ADAMTS3: variants seen among roughly 807,000 people sequenced by gnomAD.
ADAMTS3 encodes the protein A disintegrin and metalloproteinase with thrombospondin motifs 3.
ADAMTS3 carries 73 observed loss-of-function variants against 129.0 expected under a neutral mutation model. The ratio of observed to expected loss-of-function variants is 0.57; its 90% CI spans 0.47 to 0.69. The LOEUF is 0.69. Ranked by LOEUF, ADAMTS3 falls within the 30% of genes least tolerant of loss-of-function variation. The pLI is 0.00. For synonymous variants in ADAMTS3, 477 were observed against 510.8 expected (o/e 0.93, Z 0.89); for missense variants, 1,457 against 1,514.5 (o/e 0.96, Z 0.63).
rs780258250 is a variant in ADAMTS3 at position 72,303,871 on chromosome 4, A to G, written c.2424+46T>C. 4.4e-6 allele frequency: 7 copies of G among 1,583,622 alleles called. No individual in the cohort carries two copies. In the East Asian group the frequency reaches 1.1e-4, roughly 25 times the overall value. On this transcript the variant is annotated intron_variant, in intron 17 of 21. Coordinates refer to ENST00000286657, the MANE Select transcript of ADAMTS3 (RefSeq NM_014243.3). Reference sequence around the variant, plus strand: ...AAGTGTTTTCAGATAAATTAATTATAAAGTAAGCTGAGCTAACTATACCAT... The same window carrying G: ...AAGTGTTTTCAGATAAATTAATTATGAAGTAAGCTGAGCTAACTATACCAT...
In ADAMTS3 at chr4:72,346,097, A is replaced by T. The variant is rs553918458; in HGVS notation, c.662-6404T>A. 8.9e-4 allele frequency among the ~76,000 whole-genome samples: 136 copies of T among 152,276 alleles called. 1 individual carries two copies. The highest frequency in any genetic ancestry group is 1.4e-3 in the Non-Finnish European group (94 of 68,012). Reference sequence around the variant, plus strand: ...GGTGTACAAACTTTGCCTTCAAATTAGCTCCTTTGATTATTTCAAAATGGT... The same window carrying T: ...GGTGTACAAACTTTGCCTTCAAATTTGCTCCTTTGATTATTTCAAAATGGT... On this transcript the variant is annotated intron_variant, in intron 4 of 21. Coordinates refer to ENST00000286657, the MANE Select transcript of ADAMTS3 (RefSeq NM_014243.3).
At chr4:72,506,808 T>C (rs755461052) in intron 3 of ADAMTS3, among the ~76,000 whole-genome samples, 3 of 152,332 alleles carry the variant, frequency 2.0e-5, no homozygotes, top group Non-Finnish European at 2.9e-5. Flanking sequence ...GTCTCTGTCA[T>C]GTGGCTGTTT....
rs1317281181 is a variant in ADAMTS3, at chr4:72,327,050, C to A, written c.862-3953G>T. Among the ~76,000 whole-genome samples the A allele has an allele frequency of 5.9e-5, 9 of 151,972 alleles. No homozygotes were observed. In the South Asian group the frequency reaches 1.9e-3, roughly 32 times the overall value. ...AAATAAGAATTGTAAAATATTATAACCTGAGAAAAATGCTACGTTTTAAAT... is the reference window on the plus strand; with the variant it reads ...AAATAAGAATTGTAAAATATTATAAACTGAGAAAAATGCTACGTTTTAAAT... On this transcript the variant is annotated intron_variant, in intron 5 of 21. Coordinates refer to ENST00000286657, the MANE Select transcript of ADAMTS3 (RefSeq NM_014243.3).
At chr4:72,393,303 G>A (rs1721646994) in intron 4 of ADAMTS3, among the ~76,000 whole-genome samples, 1 of 152,124 alleles carries the variant, frequency 6.6e-6, no homozygotes, top group African/African-American at 2.4e-5. Flanking sequence ...ATTAGGATTG[G>A]AGTCTGCTGT....
intron 3 of ADAMTS3, among the ~76,000 whole-genome samples, chr4:72,473,444 A>G (rs1719135503): frequency 6.6e-6 from 1 of 152,114 alleles, no homozygotes; most frequent in South Asian, 2.1e-4. Context: ...AACAATAACA[A>G]AGCCCTAAAA....
In ADAMTS3 at chr4:72,368,672, C is replaced by T. The variant is rs542118020; in HGVS notation, c.662-28979G>A. ...CTGACAAATGAAAGCAACCACAATT[C>T]TTAAAGGACCAGTGATTGATGCCAA... On this transcript the variant is annotated intron_variant, in intron 4 of 21. Coordinates refer to ENST00000286657, the MANE Select transcript of ADAMTS3 (RefSeq NM_014243.3). Among the ~76,000 whole-genome samples the T allele has an allele frequency of 3.3e-5, 5 of 152,304 alleles. No homozygotes were observed. The South Asian group carries it at 1.0e-3, about 32-fold the overall frequency.
At chr4:72,311,361 T>A (rs78225451) in intron 13 of ADAMTS3, among the ~76,000 whole-genome samples, 180 bp from the exon 14 acceptor site, 1 of 152,018 alleles carries the variant, frequency 6.6e-6, no homozygotes, top group African/African-American at 2.4e-5. Context: ...ATTTTTTTTT[T>A]AGCTAAGGTG....
chr4:72,486,001 T>A (rs1405743448), intron 3 of ADAMTS3, among the ~76,000 whole-genome samples: 1 of 152,172 alleles, frequency 6.6e-6, no homozygotes, highest in Non-Finnish European at 1.5e-5. Context: ...CATCCAGAAT[T>A]GTGAGCAATA....
intron 11 of ADAMTS3, among the ~76,000 whole-genome samples, chr4:72,314,968 T>C (rs1719353253): frequency 6.6e-6 from 1 of 152,212 alleles, no homozygotes; most frequent in Admixed American, 6.5e-5. Context: ...TAACATGCCT[T>C]TGTTTTGGGA....
In ADAMTS3 at chr4:72,320,854, T is replaced by C; in HGVS notation, c.962A>G (p.Glu321Gly). The C allele has an allele frequency of 6.2e-7, 1 of 1,613,874 alleles. No homozygotes were observed. The highest frequency in any genetic ancestry group is 8.5e-7 in the Non-Finnish European group (1 of 1,179,844). Residue 321 changes from glutamate (E) to glycine (G), a missense_variant, in exon 7 of 22, where the codon GAA (glutamate) becomes GGA (glycine). Transcript: ENST00000286657. The stretch of plus-strand genomic sequence containing the variant: ...CAAGCTTCTGGATGGGTTTCCCCTT[T>C]CTATGAGGCTGATGGACTAAGTGAA... The part of the protein sequence containing the change: ...LGYAKSISLI[E>G]RGNPSRSLEN...
At chr4:72,409,958 A>C (rs187749641) in intron 4 of ADAMTS3, among the ~76,000 whole-genome samples, 23 of 142,202 alleles carry the variant, frequency 1.6e-4, no homozygotes, top group Non-Finnish European at 3.2e-4. Context: ...GTAATTTAAC[A>C]CTTACCCAAA....
At position 72,295,879 on chromosome 4, in the gene ADAMTS3, C is replaced by T. The variant is rs893057995; in HGVS notation, c.2591-93G>A. On this transcript the variant is annotated intron_variant, in intron 18 of 21. Coordinates refer to ENST00000286657, the MANE Select transcript of ADAMTS3 (RefSeq NM_014243.3). ...CTTACTCATTCATACATTTATTCAT[C>T]CATTCAATAAATATGTATTGAGTGC... 7 of 1,455,782 alleles carry T rather than the reference C, an allele frequency of 4.8e-6. No individual in the cohort carries two copies. In the African/African-American group the frequency reaches 9.9e-5, roughly 21 times the overall value. The allele number at this position is 1,455,782 out of a possible 1,614,324, so 90.2% of individuals were successfully genotyped here.
chr4:72,455,948 CAGTATATATACTATATATATTTTACATAT>C (rs1560522187), intron 3 of ADAMTS3, among the ~76,000 whole-genome samples: 2 of 73,876 alleles, frequency 2.7e-5, no homozygotes, highest in Non-Finnish European at 2.4e-5. Flanking sequence ...AGTATATATA[CAGTATATATACTATATATATTTTACATAT>C]AGTATATATA....
At chr4:72,284,438 C>G (rs1195465033) in intron 21 of ADAMTS3, among the ~76,000 whole-genome samples, 2 of 110,780 alleles carry the variant, frequency 1.8e-5, no homozygotes, top group Non-Finnish European at 4.3e-5. Context: ...GAGCGAGACT[C>G]TGTCTCAAAA....
intron 3 of ADAMTS3, among the ~76,000 whole-genome samples, chr4:72,472,290 A>T (rs955834980): frequency 2.0e-5 from 3 of 152,102 alleles, no homozygotes; most frequent in Non-Finnish European, 4.4e-5. Context: ...CATACTGATC[A>T]TTTTTCTTCT....
intron 3 of ADAMTS3, among the ~76,000 whole-genome samples, chr4:72,455,722 T>C (rs1287252721): frequency 1.4e-5 from 2 of 146,756 alleles, no homozygotes; most frequent in Admixed American, 1.4e-4. Flanking sequence ...GTCGGCTTTA[T>C]CAAATTTGTA....
chr4:72,548,831 T>C lies in ADAMTS3; in HGVS notation c.151A>G (p.Asn51Asp), dbSNP rs1721537570. The change falls in exon 3 of 22, where the codon AAT becomes GAT. Residue 51 changes from asparagine (N) to aspartate (D), a missense_variant. Physicochemically the swap from Asn to Asp is conservative, Grantham distance 23. Coordinates refer to ENST00000286657, the MANE Select transcript of ADAMTS3 (RefSeq NM_014243.3). ...EYELVTPVST[N>D]LEGRYLSHTL... ...TGGGAGAGATAGCGTCCTTCTAGAT[T>C]TGTGCTGACTGGAGTCACCAGCTCA... The C allele has an allele frequency of 1.2e-6, 2 of 1,613,790 alleles. No homozygotes were observed. The highest frequency in any genetic ancestry group is 2.7e-5 in the African/African-American group (2 of 75,024).
intron 4 of ADAMTS3, among the ~76,000 whole-genome samples, chr4:72,388,198 T>A (rs982822119): frequency 6.6e-6 from 1 of 152,218 alleles, no homozygotes; most frequent in South Asian, 2.1e-4. Context: ...CCCAGCCCAC[T>A]GATTATGCCA....
In ADAMTS3 at chr4:72,554,333, T is replaced by C. The variant is rs540393424; in HGVS notation, c.98-5449A>G. 2.6e-5 allele frequency among the ~76,000 whole-genome samples: 4 copies of C among 152,318 alleles called. No homozygotes were observed. In the East Asian group the frequency reaches 5.8e-4, roughly 22 times the overall value. The stretch of plus-strand genomic sequence containing the variant: ...TTTCCTAGTGGTTTCCAAACTTTAA[T>C]CATTATGCCTTTACACATATCTGTG... On this transcript the variant is annotated intron_variant, in intron 2 of 21. Transcript: ENST00000286657.
Sources: allele counts gnomAD v4.1 joint callset (sites outside exome capture counted in the v4.1 genomes callset), GRCh38; gene constraint gnomAD v4.1.1; transcripts MANE v1.5; gene names NCBI Gene and HGNC (gene_info 2026-07-23, HGNC 2026-07-21).